The following TOX variants were observed in gnomAD, a reference collection of about 807,000 sequenced individuals.
TOX encodes the protein thymocyte selection-associated high mobility group box protein TOX.
In TOX, 11 loss-of-function variants were observed where a neutral mutation model predicts 53.7. The ratio of observed to expected loss-of-function variants is 0.20; its 90% CI spans 0.13 to 0.34. The LOEUF (loss-of-function observed/expected upper bound fraction) is 0.34. Ranked by LOEUF, TOX falls within the 10% of genes least tolerant of loss-of-function variation. The probability of loss-of-function intolerance (pLI) is 1.00; values close to 1 mark genes in which losing one functional copy is unlikely to be tolerated. For missense variants in TOX, 570 were observed against 664.6 expected (o/e 0.86, Z 1.56); for synonymous variants, 225 against 245.3 (o/e 0.92, Z 0.77).
chr8:58,816,683 T>C (rs1810184091), intron 6 of TOX, among the ~76,000 whole-genome samples: 1 of 152,162 alleles, frequency 6.6e-6, no homozygotes, highest in Non-Finnish European at 1.5e-5. Context: ...TGAGGACGCA[T>C]ATATGCTTTT....
Position 58,888,644 on chromosome 8 carries a change from C to T in TOX, c.412-36839G>A, listed in dbSNP as rs151161938. On this transcript the variant is annotated intron_variant, in intron 3 of 8. Coordinates refer to ENST00000361421, the MANE Select transcript of TOX (RefSeq NM_014729.3). ...GAAAAACAATTAACACTAATAGATGCCAAAATTTACTAAAACACTTGAAAA... is the reference window on the plus strand; with the variant it reads ...GAAAAACAATTAACACTAATAGATGTCAAAATTTACTAAAACACTTGAAAA... Among the ~76,000 whole-genome samples the T allele has an allele frequency of 2.4e-4, 37 of 151,402 alleles. 1 individual carries two copies. The Middle Eastern group carries it at 0.01, about 42-fold the overall frequency.
chr8:58,939,420 T>C lies in TOX; in HGVS notation c.293A>G (p.His98Arg). The C allele has an allele frequency of 6.2e-7, 1 of 1,614,104 alleles. No homozygotes were observed. Among genetic ancestry groups the C allele is most frequent in the Non-Finnish European group, 8.5e-7 (1 of 1,180,032 alleles). The change falls in exon 3 of 9, where the codon CAC becomes CGC. Residue 98 changes from histidine (H) to arginine (R), a missense_variant. Physicochemically the swap from His to Arg is conservative, Grantham distance 29. Coordinates refer to ENST00000361421, the MANE Select transcript of TOX (RefSeq NM_014729.3). Reference protein sequence around the residue: ...EVESGYHSLCHPMNHNGLLPF... With the variant: ...EVESGYHSLCRPMNHNGLLPF... ...TAGCAGGCCATTATGGTTCATGGGG[T>C]GACACAGAGAATGGTAACCAGACTC... is the stretch of plus-strand genomic sequence containing the variant.
chr8:58,974,998 T>C (rs1813065058), intron 1 of TOX, among the ~76,000 whole-genome samples: 1 of 152,044 alleles, frequency 6.6e-6, no homozygotes, highest in South Asian at 2.1e-4. Context: ...AGTAGTTACA[T>C]GTAATTCACA....
chr8:59,118,374 T>G lies in TOX; in HGVS notation c.102+512A>C, dbSNP rs1231987299. On this transcript the variant is annotated intron_variant, in intron 1 of 8. Transcript: ENST00000361421. The surrounding 1 kb of genome is among the most constrained non-coding windows in gnomAD (Gnocchi z 4.1). ...AAAAGAGTTGTGGGGCAGTTTTCCC[T>G]GTGGGGGGCAGGGGCGCCTCCCAGG... 6.6e-6 allele frequency among the ~76,000 whole-genome samples: 1 copy of G among 152,110 alleles called. No homozygotes were observed. Among genetic ancestry groups the G allele is most frequent in the African/African-American group, 2.4e-5 (1 of 41,438 alleles).
Position 58,826,893 on chromosome 8 carries a change from T to C in TOX, c.934A>G (p.Lys312Glu). 1.9e-6 allele frequency: 3 copies of C among 1,611,498 alleles called. No individual in the cohort carries two copies. The highest frequency in any genetic ancestry group is 2.5e-6 in the Non-Finnish European group (3 of 1,178,922). The change falls in exon 6 of 9, where the codon AAG becomes GAG. Residue 312 changes from lysine to glutamate, a missense_variant. Lys to Glu is a moderately conservative substitution (Grantham distance 56, BLOSUM62 1). This residue lies in a region of TOX where 49 missense variants were observed against 98.9 expected (regional missense o/e 0.50). Transcript: ENST00000361421. ...LGEEQKQVYK[K>E]KTEAAKKEYL... ...TCCTTCTTCGCAGCCTCGGTTTTCT[T>C]TTTATAGACCTGCAACAACAGCAAA...
chr8:58,927,434 C>T (rs979569426), intron 3 of TOX, among the ~76,000 whole-genome samples: 1 of 152,152 alleles, frequency 6.6e-6, no homozygotes, highest in Non-Finnish European at 1.5e-5. Flanking sequence ...AGGAGATCTG[C>T]ACCCCAGCCT....
chr8:58,931,982 G>C (rs577213532), intron 3 of TOX, among the ~76,000 whole-genome samples: 8 of 152,166 alleles, frequency 5.3e-5, no homozygotes, highest in African/African-American at 1.7e-4. Flanking sequence ...TTTTATTATA[G>C]CAATAAAAGC....
intron 3 of TOX, among the ~76,000 whole-genome samples, chr8:58,930,364 T>C (rs1343367686): frequency 1.3e-5 from 2 of 152,226 alleles, no homozygotes; most frequent in Non-Finnish European, 2.9e-5. Flanking sequence ...CAGCAGTTTC[T>C]ACATGGAGGT....
intron 1 of TOX, among the ~76,000 whole-genome samples, chr8:59,090,316 C>T (rs1804587872): frequency 6.6e-6 from 1 of 152,044 alleles, no homozygotes; most frequent in African/African-American, 2.4e-5. Flanking sequence ...TACTAGTTGC[C>T]CTGTGACTCT....
intron 1 of TOX, among the ~76,000 whole-genome samples, chr8:59,095,333 C>G (rs1804696804): frequency 6.6e-6 from 1 of 151,904 alleles, no homozygotes; most frequent in African/African-American, 2.4e-5. Context: ...TAACATTCAT[C>G]TCAGGAAGCT....
intron 1 of TOX, among the ~76,000 whole-genome samples, chr8:59,075,911 A>C (rs1378300905): frequency 6.6e-6 from 1 of 151,904 alleles, no homozygotes; most frequent in East Asian, 2.0e-4. Flanking sequence ...AGGCTGAGGC[A>C]GGGGAATCGC....
intron 6 of TOX, among the ~76,000 whole-genome samples, chr8:58,818,090 T>C (rs1463315948): frequency 5.9e-5 from 9 of 152,170 alleles, no homozygotes; most frequent in African/African-American, 2.2e-4. Context: ...GCAACCTAAT[T>C]TGAGATACTT....
intron 1 of TOX, among the ~76,000 whole-genome samples, chr8:59,028,318 T>C (rs541819203): frequency 3.4e-4 from 52 of 152,200 alleles, no homozygotes; most frequent in Admixed American, 2.7e-3. Context: ...CCAATGGCTA[T>C]AATACGAGCT....
chr8:58,880,082 C>G (rs1811357656), intron 3 of TOX, among the ~76,000 whole-genome samples: 1 of 152,118 alleles, frequency 6.6e-6, no homozygotes. Flanking sequence ...AAACCTAGAG[C>G]AGCTTCCGTA....
chr8:58,859,993 T>C (rs1249813748), intron 3 of TOX, among the ~76,000 whole-genome samples: 1 of 152,198 alleles, frequency 6.6e-6, no homozygotes, highest in Non-Finnish European at 1.5e-5. Flanking sequence ...AGAACTCCAC[T>C]GCAATTGCTG....
chr8:59,021,479 A>ATATATATATAT (rs1375026046), intron 1 of TOX, among the ~76,000 whole-genome samples: 6 of 64,726 alleles, frequency 9.3e-5, no homozygotes, highest in African/African-American at 1.3e-4. Context: ...AAAAAAAAAA[A>ATATATATATAT]AAATATATAT....
At chr8:59,014,596 T>C (rs1425834065) in intron 1 of TOX, among the ~76,000 whole-genome samples, 1 of 152,192 alleles carries the variant, frequency 6.6e-6, no homozygotes, top group Non-Finnish European at 1.5e-5. Flanking sequence ...TGGAAAAATA[T>C]ACTGAGGAAA....
At chr8:58,866,714 G>T (rs1811110000) in intron 3 of TOX, among the ~76,000 whole-genome samples, 1 of 152,172 alleles carries the variant, frequency 6.6e-6, no homozygotes, top group African/African-American at 2.4e-5. Flanking sequence ...GGTGATAGAA[G>T]AATTCAAATA....
At chr8:58,810,258 T>C (rs2129163741) in intron 7 of TOX, among the ~76,000 whole-genome samples, 1 of 152,200 alleles carries the variant, frequency 6.6e-6, no homozygotes, top group Non-Finnish European at 1.5e-5. Flanking sequence ...CTTACCTTGG[T>C]CTCCCAAAGT....
Sources: gnomAD v4.1 joint callset for allele counts (sites outside exome capture counted in the v4.1 genomes callset) on GRCh38, gnomAD v4.1.1 for gene constraint, gnomAD v4.1.1 regional missense constraint, Gnocchi (gnomAD v3.1) non-coding constraint, MANE v1.5 for transcripts, NCBI Gene and HGNC (gene_info 2026-07-23, HGNC 2026-07-21) for gene names.